PALM2AKAP2: variants seen among roughly 807,000 people sequenced by gnomAD.
The protein encoded by PALM2AKAP2 is PALM2 and AKAP2 fusion, also known as PALM2-AKAP2 fusion protein.
A neutral mutation model predicts 71.5 loss-of-function variants in PALM2AKAP2; 37 were observed. That is an observed-to-expected ratio of 0.52 (90% CI 0.40 to 0.68). The LOEUF is 0.68. Ranked by LOEUF, PALM2AKAP2 falls within the 30% of genes least tolerant of loss-of-function variation. The probability of loss-of-function intolerance (pLI) is 0.00; values close to 1 mark genes in which losing one functional copy is unlikely to be tolerated. For synonymous variants in PALM2AKAP2, 468 were observed against 478.8 expected (o/e 0.98, Z 0.29); for missense variants, 1,224 against 1,191.8 (o/e 1.03, Z -0.40).
At chr9:109,726,292 T>G (rs1828475758) in intron 1 of PALM2AKAP2, among the ~76,000 whole-genome samples, 1 of 152,150 alleles carries the variant, frequency 6.6e-6, no homozygotes, top group Non-Finnish European at 1.5e-5. Flanking sequence ...GAATCCAGTC[T>G]GGTTGTGGTG....
intron 7 of PALM2AKAP2, among the ~76,000 whole-genome samples, chr9:110,023,785 A>T (rs1337346221): frequency 6.6e-6 from 1 of 151,868 alleles, no homozygotes. Flanking sequence ...TGAGACCAGG[A>T]GTTCGAGACC....
At chr9:110,090,335 C>T in intron 1 of PALM2AKAP2, 1 of 456,596 alleles carries the variant, frequency 2.2e-6, no homozygotes, top group Non-Finnish European at 4.4e-6. Flanking sequence ...AAGCTGTAGG[C>T]ACAGTGGGTT....
chr9:110,135,170 T>A (rs868811084), intron 1 of PALM2AKAP2, among the ~76,000 whole-genome samples: 2,669 of 51,456 alleles, frequency 0.052, 337 homozygotes, highest in Middle Eastern at 0.07. Flanking sequence ...AAAAAATATA[T>A]AAATATATAT....
intron 1 of PALM2AKAP2, among the ~76,000 whole-genome samples, chr9:109,671,648 A>G (rs1038365869): frequency 5.9e-5 from 9 of 152,106 alleles, no homozygotes; most frequent in African/African-American, 2.4e-5. Flanking sequence ...ATGATAGTTT[A>G]ATAGGAATAA....
intron 1 of PALM2AKAP2, among the ~76,000 whole-genome samples, chr9:109,808,146 C>G (rs1349460382): frequency 1.3e-5 from 2 of 152,068 alleles, no homozygotes; most frequent in South Asian, 2.1e-4. Flanking sequence ...TGTAAAGATA[C>G]CTGAAAATGT....
At chr9:110,124,957 A>G (rs1300839866) in intron 1 of PALM2AKAP2, among the ~76,000 whole-genome samples, 1 of 152,218 alleles carries the variant, frequency 6.6e-6, no homozygotes, top group Non-Finnish European at 1.5e-5. Flanking sequence ...GAAGATGACA[A>G]TGGAATGAAA....
chr9:110,061,020 G>A (rs1469316448), intron 1 of PALM2AKAP2, among the ~76,000 whole-genome samples: 1 of 152,038 alleles, frequency 6.6e-6, no homozygotes, highest in Non-Finnish European at 1.5e-5. Context: ...AGAGACCTTT[G>A]TCCCGTTAAG....
chr9:109,787,537 G>T (rs1174097677), intron 1 of PALM2AKAP2, among the ~76,000 whole-genome samples: 1 of 152,226 alleles, frequency 6.6e-6, no homozygotes, highest in Non-Finnish European at 1.5e-5. Context: ...AGCAGGAGTA[G>T]TAAACTCAAC....
chr9:109,674,305 A>G (rs1827617945), intron 1 of PALM2AKAP2, among the ~76,000 whole-genome samples: 1 of 151,964 alleles, frequency 6.6e-6, no homozygotes, highest in Non-Finnish European at 1.5e-5. Context: ...TAATTTCAAT[A>G]TCTGAGTCAT....
intron 7 of PALM2AKAP2, among the ~76,000 whole-genome samples, chr9:110,023,310 T>C (rs1490362463): frequency 2.2e-4 from 11 of 50,022 alleles, no homozygotes; most frequent in African/African-American, 8.4e-4. Flanking sequence ...GGTTTCTTTT[T>C]TTTTTTTTTT....
At chr9:110,112,473 G>A (rs1835274549) in intron 1 of PALM2AKAP2, among the ~76,000 whole-genome samples, 1 of 152,202 alleles carries the variant, frequency 6.6e-6, no homozygotes, top group Admixed American at 6.5e-5. Flanking sequence ...GTATGTAAAT[G>A]TCTACACATT....
At chr9:109,662,154 T>G (rs1413501370) in intron 1 of PALM2AKAP2, among the ~76,000 whole-genome samples, 1 of 151,750 alleles carries the variant, frequency 6.6e-6, no homozygotes, top group Non-Finnish European at 1.5e-5. Flanking sequence ...TGAATACCCT[T>G]TATTTCTTTC....
At chr9:109,675,598 A>C (rs1827636179) in intron 1 of PALM2AKAP2, among the ~76,000 whole-genome samples, 2 of 152,168 alleles carry the variant, frequency 1.3e-5, no homozygotes, top group Admixed American at 6.5e-5. Context: ...ATGTTAGCAG[A>C]ATCCTGCCTA....
At chr9:110,133,452 A>G (rs1835778690) in intron 1 of PALM2AKAP2, among the ~76,000 whole-genome samples, 1 of 152,114 alleles carries the variant, frequency 6.6e-6, no homozygotes, top group Non-Finnish European at 1.5e-5. Flanking sequence ...TAATTTCATT[A>G]TGACCCTGCA....
At chr9:109,756,711 G>A (rs1178148534) in intron 1 of PALM2AKAP2, among the ~76,000 whole-genome samples, 1 of 152,152 alleles carries the variant, frequency 6.6e-6, no homozygotes, top group Non-Finnish European at 1.5e-5. Flanking sequence ...GATACTCTAT[G>A]CACTTTACTG....
chr9:110,110,719 G>T (rs1005187765), intron 1 of PALM2AKAP2, among the ~76,000 whole-genome samples: 10 of 151,598 alleles, frequency 6.6e-5, no homozygotes, highest in Non-Finnish European at 8.8e-5. Context: ...GCTAATTTTT[G>T]TATTTTTAGT....
At chr9:109,763,853 C>A (rs1323545283) in intron 1 of PALM2AKAP2, among the ~76,000 whole-genome samples, 1 of 152,120 alleles carries the variant, frequency 6.6e-6, no homozygotes, top group African/African-American at 2.4e-5. Flanking sequence ...ATGTGGCCTT[C>A]CCCTCTGGGT....
intron 6 of PALM2AKAP2, among the ~76,000 whole-genome samples, chr9:109,986,963 G>A (rs1048202243): frequency 6.6e-6 from 1 of 152,102 alleles, no homozygotes; most frequent in Non-Finnish European, 1.5e-5. Flanking sequence ...TTCAGTAAGT[G>A]TTTCAACTTG....
chr9:109,864,849 A>G (rs1335206718), intron 1 of PALM2AKAP2, among the ~76,000 whole-genome samples: 1 of 152,208 alleles, frequency 6.6e-6, no homozygotes, highest in Non-Finnish European at 1.5e-5. Context: ...ATCATTCTGT[A>G]GCTTAGAACC....
Sources: allele counts gnomAD v4.1 joint callset (sites outside exome capture counted in the v4.1 genomes callset), GRCh38; gene constraint gnomAD v4.1.1; transcripts MANE v1.5; gene names NCBI Gene and HGNC (gene_info 2026-07-23, HGNC 2026-07-21).